The following NPR3 variants were observed in gnomAD, a reference collection of about 807,000 sequenced individuals.
NPR3 encodes atrial natriuretic peptide receptor 3.
NPR3 carries 34 observed loss-of-function variants against 54.5 expected under a neutral mutation model. That is an observed-to-expected ratio of 0.62 (90% confidence interval 0.47 to 0.83). NPR3 has a LOEUF of 0.83. Among genes scored for constraint, NPR3 ranks in the 40% least tolerant of loss-of-function variants. The probability of loss-of-function intolerance (pLI) is 0.00; values close to 1 mark genes in which losing one functional copy is unlikely to be tolerated. For missense variants in NPR3, 674 were observed against 720.8 expected (o/e 0.94, Z 0.74); for synonymous variants, 289 against 297.1 (o/e 0.97, Z 0.28).
At chr5:32,710,660 G>T (rs748404756), upstream of NPR3, 28 of 1,507,796 alleles carry the variant, frequency 1.9e-5, no homozygotes, top group South Asian at 2.5e-4. Flanking sequence ...CACCAGGTCC[G>T]CGATGGAGCC....
In NPR3 at chr5:32,774,728, A is replaced by G. The variant is rs149269265; in HGVS notation, c.1080A>G (p.Gly360=). 153 of 1,611,980 alleles carry G rather than the reference A, an allele frequency of 9.5e-5. 1 individual carries two copies. In the African/African-American group the frequency reaches 1.8e-3, roughly 19 times the overall value. ...MEDYVNMFVE[G]FHDAILLYVL... is the part of the protein sequence containing the mutation. ...TTCAGGTTAACATGTTTGTTGAAGG[A>G]TTCCACGATGCCATCCTCCTCTACG... Residue 360 remains glycine, a synonymous_variant, in exon 4 of 8, where the codon GGA becomes GGG. Coordinates refer to ENST00000265074, the MANE Select transcript of NPR3 (RefSeq NM_001204375.2).
chr5:32,764,213 G>A (rs927382476), intron 3 of NPR3, among the ~76,000 whole-genome samples: 5 of 152,134 alleles, frequency 3.3e-5, no homozygotes, highest in African/African-American at 1.2e-4. Flanking sequence ...AGAAGTTTAT[G>A]AAAGACTTGG....
intron 2 of NPR3, among the ~76,000 whole-genome samples, chr5:32,727,114 A>T (rs1032073582): frequency 6.6e-6 from 1 of 152,110 alleles, no homozygotes; most frequent in Non-Finnish European, 1.5e-5. Context: ...CTCAAAGGTT[A>T]TGTGCATTTA....
chr5:32,711,364 A>G lies in NPR3; in HGVS notation c.-413A>G. 1.0e-6 allele frequency: 1 copy of G among 992,524 alleles called. No homozygotes were observed. Among genetic ancestry groups the G allele is most frequent in the Non-Finnish European group, 1.2e-6 (1 of 835,054 alleles). The allele number at this position is 992,524 out of a possible 1,614,324, so 61.5% of individuals were successfully genotyped here. A position where few individuals can be genotyped will look rare whatever the true frequency, so the allele number is the denominator to read the frequency against. On this transcript the variant is annotated 5_prime_UTR_variant, in exon 1 of 8. Coordinates refer to ENST00000265074, the MANE Select transcript of NPR3 (RefSeq NM_001204375.2). ...CAAATGCGAGGGAGATGCACCGTCA[A>G]TTACAAACACTTGGACAAGTCTAAC...
chr5:32,746,984 C>A (rs1740333515), intron 3 of NPR3, among the ~76,000 whole-genome samples: 2 of 151,964 alleles, frequency 1.3e-5, no homozygotes, highest in Non-Finnish European at 2.9e-5. Flanking sequence ...TGATACACAA[C>A]AAATTAAATG....
chr5:32,694,076 T>G (rs1213938334), intron 1 of NPR3, among the ~76,000 whole-genome samples: 1 of 152,230 alleles, frequency 6.6e-6, no homozygotes, highest in African/African-American at 2.4e-5. Context: ...TGGAGGATAC[T>G]GAAAGCTGTT....
At chr5:32,782,700 G>A (rs1561134290) in intron 5 of NPR3, among the ~76,000 whole-genome samples, 193 bp from the exon 6 acceptor site, 1 of 152,154 alleles carries the variant, frequency 6.6e-6, no homozygotes, top group Non-Finnish European at 1.5e-5. Context: ...GGACAACCGA[G>A]GAACGTGCCC....
At chr5:32,722,287 G>A (rs888622881) in intron 1 of NPR3, among the ~76,000 whole-genome samples, 3 of 152,046 alleles carry the variant, frequency 2.0e-5, no homozygotes, top group Non-Finnish European at 4.4e-5. Context: ...ATCAAGTTCT[G>A]GTGCCTTTGA....
At chr5:32,710,859 G>GTTTTTTTTTTT (rs56022335), upstream of NPR3, 1,543 of 979,184 alleles carry the variant, frequency 1.6e-3, 72 homozygotes, top group African/African-American at 0.027. Flanking sequence ...CCCAGTCCTG[G>GTTTTTTTTTTT]TTTTTTTTTT....
At chr5:32,704,477 T>C (rs1407327705), upstream of NPR3, among the ~76,000 whole-genome samples, 1 of 152,088 alleles carries the variant, frequency 6.6e-6, no homozygotes, top group African/African-American at 2.4e-5. Flanking sequence ...TTGCTCTGTC[T>C]TCCAAATGAT....
intron 1 of NPR3, among the ~76,000 whole-genome samples, chr5:32,696,582 A>G (rs1740538091): frequency 6.6e-6 from 1 of 152,082 alleles, no homozygotes; most frequent in East Asian, 1.9e-4. Context: ...GAATATGTAG[A>G]TGGTTTTTGA....
At chr5:32,732,562 G>A (rs1467592237) in intron 2 of NPR3, among the ~76,000 whole-genome samples, 1 of 152,178 alleles carries the variant, frequency 6.6e-6, no homozygotes, top group East Asian at 1.9e-4. Flanking sequence ...ATGGATGTAG[G>A]AAGGCAACTG....
rs775123840 is a variant in NPR3 at position 32,739,008 on chromosome 5, A to T, written c.1037A>T (p.Gln346Leu). The change falls in exon 3 of 8, where the codon CAA (glutamine) becomes CTA (leucine). Residue 346 changes from glutamine to leucine, a missense_variant. Coordinates refer to ENST00000265074, the MANE Select transcript of NPR3 (RefSeq NM_001204375.2). ...SMEVKSSVEK[Q>L]GLNMEDYVNM... Reference sequence around the variant, plus strand: ...GAGGTGAAAAGTTCAGTTGAGAAACAAGGGCTCAATATGGAGGATTACGTA... The same window carrying T: ...GAGGTGAAAAGTTCAGTTGAGAAACTAGGGCTCAATATGGAGGATTACGTA... 1 of 1,613,952 alleles carries T rather than the reference A, an allele frequency of 6.2e-7. No homozygotes were observed. Among genetic ancestry groups the T allele is most frequent in the East Asian group, 2.2e-5 (1 of 44,878 alleles).
At chr5:32,726,065 A>G (rs776154418) in intron 2 of NPR3, among the ~76,000 whole-genome samples, 4 of 152,236 alleles carry the variant, frequency 2.6e-5, no homozygotes, top group Non-Finnish European at 5.9e-5. Context: ...GCATCGGGCT[A>G]CAGAACATTT....
At chr5:32,771,316 A>G (rs1741749093) in intron 3 of NPR3, among the ~76,000 whole-genome samples, 1 of 152,190 alleles carries the variant, frequency 6.6e-6, no homozygotes, top group Non-Finnish European at 1.5e-5. Context: ...AGAGGGAGAC[A>G]CTCAGCCACC....
In NPR3 at chr5:32,740,120, A is replaced by G. The variant is rs567570510; in HGVS notation, c.1059+1090A>G. Reference sequence around the variant, plus strand: ...CCCAAGTTGGATAATGATCAACTTCATAAGAGATGGCCACTTCCAAACAGG... The same window carrying G: ...CCCAAGTTGGATAATGATCAACTTCGTAAGAGATGGCCACTTCCAAACAGG... On this transcript the variant is annotated intron_variant, in intron 3 of 7. Coordinates refer to ENST00000265074, the MANE Select transcript of NPR3 (RefSeq NM_001204375.2). Among the ~76,000 whole-genome samples the G allele has an allele frequency of 3.5e-4, 53 of 152,336 alleles. No individual in the cohort carries two copies. In the South Asian group the frequency reaches 0.011, roughly 32 times the overall value.
upstream of NPR3, chr5:32,710,570 A>G: frequency 7.3e-7 from 1 of 1,366,300 alleles, no homozygotes; most frequent in Non-Finnish European, 9.5e-7. Flanking sequence ...TTCCAGCGCA[A>G]ACCTGCGTGG....
chr5:32,751,829 T>C (rs1055001431), intron 3 of NPR3, among the ~76,000 whole-genome samples: 2 of 152,310 alleles, frequency 1.3e-5, no homozygotes, highest in Middle Eastern at 3.4e-3. Flanking sequence ...AGACGTCACA[T>C]GTTGGAAAGT....
intron 1 of NPR3, among the ~76,000 whole-genome samples, chr5:32,693,151 A>G (rs1740442174): frequency 6.6e-6 from 1 of 152,138 alleles, no homozygotes; most frequent in Non-Finnish European, 1.5e-5. Flanking sequence ...GATCTCTTAT[A>G]TTGTTTGTAT....
Sources: gnomAD v4.1 joint callset for allele counts (sites outside exome capture counted in the v4.1 genomes callset) on GRCh38, gnomAD v4.1.1 for gene constraint, MANE v1.5 for transcripts, NCBI Gene and HGNC (gene_info 2026-07-23, HGNC 2026-07-21) for gene names.